PPM1H: variants seen among roughly 807,000 people sequenced by gnomAD.
PPM1H encodes protein phosphatase, Mg2+/Mn2+ dependent 1H, also known as protein phosphatase 1H.
A neutral mutation model predicts 54.9 loss-of-function variants in PPM1H; 27 were observed. The ratio of observed to expected loss-of-function variants is 0.49; its 90% CI spans 0.36 to 0.68. PPM1H has a LOEUF of 0.68. Among genes scored for constraint, PPM1H ranks in the 30% least tolerant of loss-of-function variants. PPM1H has a pLI of 0.00. For synonymous variants in PPM1H, 305 were observed against 270.8 expected (o/e 1.13, Z -1.24); for missense variants, 596 against 667.8 (o/e 0.89, Z 1.19).
At chr12:62,784,292 ATGGT>A (rs1393796019) in intron 4 of PPM1H, among the ~76,000 whole-genome samples, 10 of 152,122 alleles carry the variant, frequency 6.6e-5, no homozygotes, top group Non-Finnish European at 1.2e-4. Flanking sequence ...TCTGAATGGG[ATGGT>A]CGTTGACTCA....
intron 4 of PPM1H, among the ~76,000 whole-genome samples, chr12:62,763,923 C>T (rs2076525667): frequency 1.3e-5 from 2 of 152,174 alleles, no homozygotes; most frequent in Admixed American, 6.5e-5. Context: ...TTGAGAGAGC[C>T]GACGTCCTAA....
intron 4 of PPM1H, chr12:62,756,000 C>T: frequency 7.3e-7 from 1 of 1,372,104 alleles, no homozygotes; most frequent in East Asian, 2.4e-5. Context: ...ATGATGACAT[C>T]AAGAAGGTGG....
chr12:62,879,657 G>A (rs1453800022), intron 1 of PPM1H, among the ~76,000 whole-genome samples: 1 of 152,014 alleles, frequency 6.6e-6, no homozygotes, highest in East Asian at 1.9e-4. Context: ...GAAATACCTA[G>A]TGTAAATGAC....
In PPM1H at chr12:62,741,885, C is replaced by T. The variant is rs145384226; in HGVS notation, c.870-4299G>A. On this transcript the variant is annotated intron_variant, in intron 4 of 9. Transcript: ENST00000228705. ...GAACAGAAGAATCCAGAAATGAGGG[C>T]CCTACATAAGACTTTTCTTAGTAGC... 6.3e-3 allele frequency among the ~76,000 whole-genome samples: 959 copies of T among 152,166 alleles called. 17 individuals are homozygous for T. The highest frequency in any genetic ancestry group is 0.022 in the African/African-American group (895 of 41,510).
At chr12:62,666,880 A>AT (rs1167683758) in intron 9 of PPM1H, among the ~76,000 whole-genome samples, 3 of 152,006 alleles carry the variant, frequency 2.0e-5, no homozygotes, top group East Asian at 1.9e-4. Flanking sequence ...TGCCCAGCTA[A>AT]TTTTTGTATT....
intron 1 of PPM1H, among the ~76,000 whole-genome samples, chr12:62,933,171 T>G (rs975677429): frequency 6.6e-6 from 1 of 152,188 alleles, no homozygotes; most frequent in Non-Finnish European, 1.5e-5. Flanking sequence ...AGCGCATTTC[T>G]GCCTCCTCAC....
chr12:62,781,739 T>C (rs773915381), intron 4 of PPM1H, among the ~76,000 whole-genome samples: 5 of 152,160 alleles, frequency 3.3e-5, no homozygotes, highest in Admixed American at 6.5e-5. Flanking sequence ...GAGAGGAAGG[T>C]CAGAGAGAGA....
intron 6 of PPM1H, among the ~76,000 whole-genome samples, chr12:62,699,033 T>C (rs1383595366): frequency 1.3e-5 from 2 of 152,180 alleles, no homozygotes; most frequent in East Asian, 1.9e-4. Context: ...AAAAAATTGC[T>C]AAGTGGAATC....
chr12:62,687,734 C>T lies in PPM1H; in HGVS notation c.1245+1965G>A, dbSNP rs577767090. 5.8e-4 allele frequency among the ~76,000 whole-genome samples: 89 copies of T among 152,172 alleles called. 1 individual carries two copies. The highest frequency in any genetic ancestry group is 2.0e-3 in the African/African-American group (84 of 41,516). On this transcript the variant is annotated intron_variant, in intron 8 of 9. Transcript: ENST00000228705. ...TTTTAATGCTTAATTACAGGCAAGC[C>T]GCAGTGGCTGATGCCTGCAATCCCA...
chr12:62,726,464 AC>A (rs1213294535), intron 5 of PPM1H, among the ~76,000 whole-genome samples: 2 of 152,216 alleles, frequency 1.3e-5, no homozygotes, highest in Admixed American at 1.3e-4. Context: ...GAAAAAAAAA[AC>A]CCTCTAAAAA....
intron 7 of PPM1H, among the ~76,000 whole-genome samples, chr12:62,692,965 T>C (rs372547736): frequency 9.4e-5 from 7 of 74,138 alleles, no homozygotes; most frequent in African/African-American, 4.5e-4. Context: ...ACACACACAC[T>C]CTGCCCATGG....
At chr12:62,855,219 C>T (rs1335864106) in intron 1 of PPM1H, among the ~76,000 whole-genome samples, 1 of 152,126 alleles carries the variant, frequency 6.6e-6, no homozygotes, top group Non-Finnish European at 1.5e-5. Flanking sequence ...CGCTTCCTGG[C>T]AAACCATGAT....
At position 62,667,174 on chromosome 12, in the gene PPM1H, A is replaced by G; in HGVS notation, c.1397+4T>C. 6.3e-7 allele frequency: 1 copy of G among 1,576,164 alleles called. No homozygotes were observed. Among genetic ancestry groups the G allele is most frequent in the Non-Finnish European group, 8.7e-7 (1 of 1,151,078 alleles). ...CAACCCTACAATTGTAGAAATGCAC[A>G]AACCTGTGAGGATCATCTGGATCAC... On this transcript the variant is annotated splice_donor_region_variant and intron_variant, in intron 9 of 9. Coordinates refer to ENST00000228705, the MANE Select transcript of PPM1H (RefSeq NM_020700.2).
intron 9 of PPM1H, among the ~76,000 whole-genome samples, chr12:62,666,368 C>A (rs79905473): frequency 9.3e-5 from 13 of 140,350 alleles, no homozygotes; most frequent in Admixed American, 2.9e-4. Flanking sequence ...AGCTGCCTTT[C>A]TCGAGAGGTA....
intron 1 of PPM1H, among the ~76,000 whole-genome samples, chr12:62,852,341 T>C (rs985460481): frequency 1.3e-5 from 2 of 151,014 alleles, no homozygotes; most frequent in African/African-American, 4.9e-5. Context: ...CCCTGGGAGC[T>C]CTCTGGCTTT....
Position 62,800,982 on chromosome 12 carries a change from T to TCCACATG in PPM1H, c.756+827_756+833dup, listed in dbSNP as rs1337414754. ...ATTCAGATGGAAACGAACAGACAAA[T>TCCACATG]CCACATGCCTGGGTAAGACTAAGAC... On this transcript the variant is annotated intron_variant, in intron 3 of 9. Coordinates refer to ENST00000228705, the MANE Select transcript of PPM1H (RefSeq NM_020700.2). Among the ~76,000 whole-genome samples the TCCACATG allele has an allele frequency of 2.0e-5, 3 of 152,236 alleles. No homozygotes were observed. The East Asian group carries it at 5.8e-4, about 29-fold the overall frequency.
chr12:62,668,479 G>A (rs777048002), intron 8 of PPM1H, among the ~76,000 whole-genome samples: 5 of 152,152 alleles, frequency 3.3e-5, no homozygotes, highest in Non-Finnish European at 7.4e-5. Context: ...GGGTTCAAGC[G>A]ATTCTCCCGC....
intron 2 of PPM1H, among the ~76,000 whole-genome samples, chr12:62,831,152 C>T (rs574581915): frequency 3.9e-5 from 6 of 152,262 alleles, no homozygotes; most frequent in East Asian, 3.9e-4. Context: ...CATGCCCAGC[C>T]GCAATGAGAT....
chr12:62,669,084 A>C (rs938667306), intron 8 of PPM1H, among the ~76,000 whole-genome samples: 8 of 152,268 alleles, frequency 5.3e-5, no homozygotes, highest in Admixed American at 3.9e-4. Flanking sequence ...AGTACACTGC[A>C]CTGGTGTTTA....
Sources: gnomAD v4.1 joint callset for allele counts (sites outside exome capture counted in the v4.1 genomes callset) on GRCh38, gnomAD v4.1.1 for gene constraint, MANE v1.5 for transcripts, NCBI Gene and HGNC (gene_info 2026-07-23, HGNC 2026-07-21) for gene names.